Variants in FGF14 observed in about 807,000 individuals in gnomAD.
FGF14 encodes fibroblast growth factor homologous factor 4.
Under a neutral mutation model 25.5 loss-of-function variants are expected in FGF14, and 5 were observed. The ratio of observed to expected loss-of-function variants is 0.20; its 90% CI spans 0.10 to 0.41. The LOEUF is 0.41. FGF14 is among the 10% of genes least tolerant of loss of function. The pLI is 1.00. For synonymous variants in FGF14, 138 were observed against 118.3 expected (o/e 1.17, Z -1.08); for missense variants, 222 against 320.1 (o/e 0.69, Z 2.34).
chr13:101,843,783 T>A (rs1055823707), intron 3 of FGF14, among the ~76,000 whole-genome samples: 7 of 151,974 alleles, frequency 4.6e-5, no homozygotes, highest in African/African-American at 1.7e-4. Context: ...CCATGAATTG[T>A]GGCTTGGGGA....
chr13:101,975,332 C>T (rs1165351288), intron 1 of FGF14, among the ~76,000 whole-genome samples: 1 of 152,190 alleles, frequency 6.6e-6, no homozygotes, highest in Non-Finnish European at 1.5e-5. Context: ...ACATCAGTAC[C>T]TTCAGCTCCA....
In FGF14 at chr13:101,849,598, C is replaced by T. The variant is rs181063927; in HGVS notation, c.408+19127G>A. Among the ~76,000 whole-genome samples the T allele has an allele frequency of 3.3e-5, 5 of 152,046 alleles. No homozygotes were observed. The East Asian group carries it at 7.8e-4, about 24-fold the overall frequency. ...ACATAAAATGTATGACTTACGTATG[C>T]GACCAAATCTAGACAAATATGAGGA... On this transcript the variant is annotated intron_variant, in intron 3 of 4. Transcript: ENST00000376143.
At chr13:102,299,729 C>T (rs1324768661) in intron 1 of FGF14, 47 of 152,086 alleles carry the variant, frequency 3.1e-4, no homozygotes, top group Admixed American at 3.1e-3. Context: ...TTCTTTGCTT[C>T]CTACAAGCAT....
At chr13:101,893,587 G>A (rs1159411194) in intron 1 of FGF14, among the ~76,000 whole-genome samples, 2 of 152,104 alleles carry the variant, frequency 1.3e-5, no homozygotes, top group African/African-American at 2.4e-5. Flanking sequence ...TAAAAGGAGA[G>A]TGGAAGGCAG....
chr13:101,831,870 G>A (rs1360323351), intron 3 of FGF14, among the ~76,000 whole-genome samples: 2 of 152,068 alleles, frequency 1.3e-5, no homozygotes, highest in East Asian at 3.9e-4. Context: ...TGTCAGTGCT[G>A]ATGGAGAAGG....
chr13:101,983,772 G>T (rs1373900567), intron 1 of FGF14, among the ~76,000 whole-genome samples: 1 of 152,186 alleles, frequency 6.6e-6, no homozygotes, highest in Non-Finnish European at 1.5e-5. Context: ...TTTCTGGGCA[G>T]CCATAGACTA....
chr13:101,761,615 C>A (rs2139908509), intron 3 of FGF14, among the ~76,000 whole-genome samples: 1 of 147,204 alleles, frequency 6.8e-6, no homozygotes, highest in South Asian at 2.2e-4. Context: ...CAAAGAGCAC[C>A]AAGGAGGATT....
chr13:102,280,348 G>T (rs1161392802), intron 1 of FGF14, among the ~76,000 whole-genome samples: 1 of 152,182 alleles, frequency 6.6e-6, no homozygotes, highest in Non-Finnish European at 1.5e-5. Flanking sequence ...TGGAGAGACT[G>T]TTTTAAGTGG....
intron 1 of FGF14, among the ~76,000 whole-genome samples, chr13:102,321,251 G>A (rs2056233052): frequency 1.3e-5 from 2 of 152,096 alleles, no homozygotes; most frequent in South Asian, 4.1e-4. Flanking sequence ...TTCAGTGCTG[G>A]AAATTCAAGT....
At chr13:101,912,696 T>A (rs2139089922) in intron 1 of FGF14, among the ~76,000 whole-genome samples, 1 of 152,268 alleles carries the variant, frequency 6.6e-6, no homozygotes, top group Non-Finnish European at 1.5e-5. Context: ...CACAAATATG[T>A]AATCCCTCTA....
intron 3 of FGF14, among the ~76,000 whole-genome samples, chr13:101,766,226 A>C (rs974008794): frequency 6.6e-6 from 1 of 152,196 alleles, no homozygotes; most frequent in Non-Finnish European, 1.5e-5. Context: ...TAAAAAATGA[A>C]TTGCATAGTT....
intron 1 of FGF14, among the ~76,000 whole-genome samples, chr13:102,298,429 ACTCT>A (rs989452084): frequency 1.3e-5 from 2 of 151,962 alleles, no homozygotes; most frequent in African/African-American, 4.8e-5. Context: ...GTCCTGTTTT[ACTCT>A]CTATTTTTGT....
intron 1 of FGF14, among the ~76,000 whole-genome samples, chr13:102,107,137 A>T (rs944052362): frequency 7.7e-6 from 1 of 130,046 alleles, no homozygotes; most frequent in South Asian, 2.3e-4. Context: ...GACAACTTTT[A>T]TAAAAACCAG....
intron 1 of FGF14, among the ~76,000 whole-genome samples, chr13:102,120,700 T>C (rs999400615): frequency 1.9e-5 from 2 of 103,508 alleles, no homozygotes; most frequent in Non-Finnish European, 3.5e-5. Flanking sequence ...CATAGAAAAG[T>C]GATTTTTTTT....
chr13:101,939,656 T>TA (rs1263016950), intron 1 of FGF14, among the ~76,000 whole-genome samples: 1 of 152,224 alleles, frequency 6.6e-6, no homozygotes, highest in African/African-American at 2.4e-5. Flanking sequence ...TGTGCAGTCT[T>TA]CTATCCTCTT....
At chr13:101,828,734 C>T (rs988913788) in intron 3 of FGF14, among the ~76,000 whole-genome samples, 4 of 151,882 alleles carry the variant, frequency 2.6e-5, no homozygotes, top group Non-Finnish European at 4.4e-5. Flanking sequence ...AATTTTATTC[C>T]GATTATCCAT....
chr13:101,766,200 T>C (rs2038381588), intron 3 of FGF14, among the ~76,000 whole-genome samples: 1 of 152,246 alleles, frequency 6.6e-6, no homozygotes, highest in South Asian at 2.1e-4. Context: ...GATGTGAGTA[T>C]GAAATGCCAA....
intron 3 of FGF14, among the ~76,000 whole-genome samples, chr13:101,862,194 G>A (rs908681102): frequency 6.6e-6 from 1 of 151,994 alleles, no homozygotes; most frequent in African/African-American, 2.4e-5. Context: ...CAGAAAACAA[G>A]GTCTCCCTTT....
intron 1 of FGF14, among the ~76,000 whole-genome samples, chr13:102,167,150 G>A (rs1190626127): frequency 1.3e-5 from 2 of 151,584 alleles, no homozygotes; most frequent in Non-Finnish European, 2.9e-5. Context: ...AAAATACAAG[G>A]CTTTCACAAA....
Sources: gnomAD v4.1 joint callset for allele counts (sites outside exome capture counted in the v4.1 genomes callset) on GRCh38, gnomAD v4.1.1 for gene constraint, MANE v1.5 for transcripts, NCBI Gene and HGNC (gene_info 2026-07-23, HGNC 2026-07-21) for gene names.